Variants in DRC5 observed in about 807,000 individuals in gnomAD.
The protein encoded by DRC5 is dynein regulatory complex subunit 5, also known as T-complex-associated testis-expressed protein 1.
the DRC5 span, among the ~76,000 whole-genome samples, chr6:44,286,794 A>G: frequency 6.6e-6 from 1 of 152,182 alleles, no homozygotes; most frequent in Non-Finnish European, 1.5e-5. Context: ...CTCAGGTCCA[A>G]CTCTCAATTA....
chr6:44,282,209 G>A, the DRC5 span: 1 of 1,614,176 alleles, frequency 6.2e-7, no homozygotes, highest in South Asian at 1.1e-5. Context: ...ACAGCTCATT[G>A]CCACCGAGGT....
At chr6:44,289,209 G>C in the DRC5 span, among the ~76,000 whole-genome samples, 2 of 151,288 alleles carry the variant, frequency 1.3e-5, no homozygotes, top group African/African-American at 4.9e-5. Flanking sequence ...GCTAATTTTT[G>C]TATTTTTAGT....
the DRC5 span, among the ~76,000 whole-genome samples, chr6:44,283,873 G>A: frequency 6.6e-6 from 1 of 152,168 alleles, no homozygotes; most frequent in South Asian, 2.1e-4. Context: ...TCTTTCAGCA[G>A]GTGAACTCTC....
chr6:44,293,099 C>A, the DRC5 span, among the ~76,000 whole-genome samples: 1 of 152,058 alleles, frequency 6.6e-6, no homozygotes, highest in Non-Finnish European at 1.5e-5. Context: ...TGAAAGAGTT[C>A]AATGGGATAG....
the DRC5 span, among the ~76,000 whole-genome samples, chr6:44,292,423 T>C: frequency 6.6e-6 from 1 of 152,146 alleles, no homozygotes; most frequent in Non-Finnish European, 1.5e-5. Flanking sequence ...ACCCCATCTT[T>C]CCAGTACCTG....
chr6:44,293,412 A>T, the DRC5 span, among the ~76,000 whole-genome samples: 1 of 152,142 alleles, frequency 6.6e-6, no homozygotes, highest in East Asian at 1.9e-4. Context: ...TAAGAATTCA[A>T]GACCAACCTG....
At chr6:44,289,443 G>A in the DRC5 span, among the ~76,000 whole-genome samples, 2 of 152,012 alleles carry the variant, frequency 1.3e-5, no homozygotes, top group Non-Finnish European at 2.9e-5. Flanking sequence ...TTTCATATGA[G>A]GTCTTCAAAA....
At chr6:44,294,786 A>AG in the DRC5 span, among the ~76,000 whole-genome samples, 23 of 150,798 alleles carry the variant, frequency 1.5e-4, no homozygotes, top group African/African-American at 5.1e-4. Flanking sequence ...AAAAAAAAAA[A>AG]AAAAAAAGAA....
At chr6:44,285,944 A>G in the DRC5 span, 1 of 1,592,468 alleles carries the variant, frequency 6.3e-7, no homozygotes, top group Non-Finnish European at 8.6e-7. Flanking sequence ...GGTGGGGGGA[A>G]GGCTGGGAGC....
chr6:44,278,999 C>T, the DRC5 span: 4 of 152,340 alleles, frequency 2.6e-5, no homozygotes, highest in African/African-American at 9.6e-5. Flanking sequence ...TCCCAAGCCC[C>T]CTTTGGTGCT....
the DRC5 span, among the ~76,000 whole-genome samples, chr6:44,295,719 G>A: frequency 1.3e-5 from 2 of 152,184 alleles, no homozygotes; most frequent in Non-Finnish European, 2.9e-5. Flanking sequence ...ATAGCAGGAG[G>A]CAGGACAGCA....
the DRC5 span, chr6:44,286,090 C>T: frequency 6.2e-7 from 1 of 1,614,160 alleles, no homozygotes; most frequent in Non-Finnish European, 8.5e-7. Flanking sequence ...CCAGCTCCTC[C>T]AGGTGGCTCA....
At chr6:44,288,592 C>T in the DRC5 span, among the ~76,000 whole-genome samples, 1 of 152,274 alleles carries the variant, frequency 6.6e-6, no homozygotes, top group Non-Finnish European at 1.5e-5. Context: ...ACTGCCTGAT[C>T]CGTAGGATGG....
At chr6:44,290,975 T>C in the DRC5 span, among the ~76,000 whole-genome samples, 10 of 152,342 alleles carry the variant, frequency 6.6e-5, no homozygotes, top group East Asian at 1.7e-3. Context: ...CTGGTCCTAA[T>C]TGGTCTTGCT....
the DRC5 span, chr6:44,278,889 A>ACAC: frequency 1.3e-5 from 2 of 151,672 alleles, no homozygotes; most frequent in African/African-American, 4.8e-5. Context: ...ACACACACAC[A>ACAC]CACACCCTCA....
chr6:44,283,178 A>G, the DRC5 span, among the ~76,000 whole-genome samples: 1 of 152,014 alleles, frequency 6.6e-6, no homozygotes, highest in African/African-American at 2.4e-5. Flanking sequence ...CATTTTACAG[A>G]CAGAAAATGG....
chr6:44,286,099 C>T, the DRC5 span: 1 of 1,614,168 alleles, frequency 6.2e-7, no homozygotes, highest in Non-Finnish European at 8.5e-7. Context: ...CCAGGTGGCT[C>T]AGGCCAGCTA....
chr6:44,295,318 T>C, the DRC5 span, among the ~76,000 whole-genome samples: 1 of 152,128 alleles, frequency 6.6e-6, no homozygotes, highest in African/African-American at 2.4e-5. Context: ...TGGGGACACG[T>C]GCAGTGGACT....
chr6:44,289,012 A>AAG, the DRC5 span, among the ~76,000 whole-genome samples: 1 of 144,080 alleles, frequency 6.9e-6, no homozygotes, highest in African/African-American at 2.6e-5. Context: ...AAAAAAAAAA[A>AAG]AAAAAAAAAA....
Sources: allele counts gnomAD v4.1 joint callset (sites outside exome capture counted in the v4.1 genomes callset), GRCh38; gene constraint gnomAD v4.1.1; transcripts MANE v1.5; gene names NCBI Gene and HGNC (gene_info 2026-07-23, HGNC 2026-07-21).